Variants in CADPS2 observed in about 807,000 individuals in gnomAD.
CADPS2 encodes calcium dependent secretion activator 2.
A neutral mutation model predicts 172.5 loss-of-function variants in CADPS2; 93 were observed. The ratio of observed to expected loss-of-function variants is 0.54; its 90% CI spans 0.46 to 0.64. The LOEUF is 0.64. Ranked by LOEUF, CADPS2 falls within the 30% of genes least tolerant of loss-of-function variation. The pLI is 0.00. For synonymous variants in CADPS2, 546 were observed against 555.2 expected, an observed-to-expected ratio of 0.98 and a Z score of 0.23; for missense variants, 1,420 against 1,565.9, an observed-to-expected ratio of 0.91 and a Z score of 1.57.
chr7:122,783,253 C>T (rs1483184828), intron 1 of CADPS2, among the ~76,000 whole-genome samples: 1 of 151,422 alleles, frequency 6.6e-6, no homozygotes, highest in East Asian at 1.9e-4. Flanking sequence ...TTTTGTAACC[C>T]AGTCTGATAT....
At position 122,449,177 on chromosome 7, in the gene CADPS2, AT is replaced by A. The variant is rs528789666; in HGVS notation, c.2288+2196del. The stretch of plus-strand genomic sequence containing the variant: ...ATCATTGATATAATAATGGGGACTT[AT>A]TCAGTTACTAATATAGATATCTAAA... On this transcript the variant is annotated intron_variant, in intron 15 of 29. Transcript: ENST00000449022. 2.6e-5 allele frequency among the ~76,000 whole-genome samples: 4 copies of A among 152,180 alleles called. No homozygotes were observed. The South Asian group carries it at 8.3e-4, about 32-fold the overall frequency.
In CADPS2 at chr7:122,737,075, GA is replaced by G; in HGVS notation, c.340-8del. ...GCAACTGTTGTTTGTTAAGCTACAA[GA>G]AAAAGAGAAAATAAGCAGATAAATT... On this transcript the variant is annotated splice_region_variant and splice_polypyrimidine_tract_variant and intron_variant, in intron 1 of 29. Transcript: ENST00000449022. 3 of 1,479,972 alleles carry G rather than the reference GA, an allele frequency of 2.0e-6. No homozygotes were observed. The highest frequency in any genetic ancestry group is 2.8e-6 in the Non-Finnish European group (3 of 1,062,120). The allele number at this position is 1,479,972 out of a possible 1,614,324, so 91.7% of individuals were successfully genotyped here.
intron 27 of CADPS2, among the ~76,000 whole-genome samples, chr7:122,347,939 A>G (rs868698576): frequency 6.6e-6 from 1 of 152,328 alleles, no homozygotes; most frequent in Middle Eastern, 3.4e-3. Context: ...GTGACATGAG[A>G]ACAATTTTCA....
intron 8 of CADPS2, among the ~76,000 whole-genome samples, chr7:122,532,337 C>T (rs1262504080): frequency 6.6e-6 from 1 of 152,040 alleles, no homozygotes; most frequent in African/African-American, 2.4e-5. Flanking sequence ...AGGTAACTTT[C>T]CTAAGAAACA....
chr7:122,561,767 C>G (rs1397816887), intron 7 of CADPS2, among the ~76,000 whole-genome samples: 1 of 152,058 alleles, frequency 6.6e-6, no homozygotes, highest in Non-Finnish European at 1.5e-5. Context: ...GAACTGATCA[C>G]TACAGTCAAG....
At chr7:122,629,866 A>T (rs2076411677) in intron 3 of CADPS2, among the ~76,000 whole-genome samples, 1 of 152,230 alleles carries the variant, frequency 6.6e-6, no homozygotes, top group South Asian at 2.1e-4. Flanking sequence ...TCTTTTAAGG[A>T]TTGGCACCAT....
At chr7:122,806,293 G>C (rs1231676900) in intron 1 of CADPS2, among the ~76,000 whole-genome samples, 1 of 152,150 alleles carries the variant, frequency 6.6e-6, no homozygotes, top group Non-Finnish European at 1.5e-5. Flanking sequence ...GTTCTACAAT[G>C]AAATAAAAGT....
chr7:122,775,027 T>C (rs1056121944), intron 1 of CADPS2, among the ~76,000 whole-genome samples: 10 of 152,200 alleles, frequency 6.6e-5, no homozygotes, highest in Non-Finnish European at 1.2e-4. Flanking sequence ...TGTGTGTTTT[T>C]TTTAAAATAC....
At chr7:122,419,229 C>CA (rs2151791753) in intron 17 of CADPS2, among the ~76,000 whole-genome samples, 1 of 152,228 alleles carries the variant, frequency 6.6e-6, no homozygotes, top group East Asian at 1.9e-4. Context: ...TCAATACCCC[C>CA]AAATTTTTAA....
intron 1 of CADPS2, among the ~76,000 whole-genome samples, chr7:122,762,409 AC>A (rs1397961262): frequency 1.3e-5 from 2 of 152,144 alleles, no homozygotes; most frequent in African/African-American, 4.8e-5. Flanking sequence ...TGAGTTCCCA[AC>A]AAGGATGGAA....
intron 1 of CADPS2, among the ~76,000 whole-genome samples, chr7:122,881,209 G>A (rs1018826768): frequency 2.0e-5 from 3 of 152,216 alleles, no homozygotes; most frequent in East Asian, 1.9e-4. Context: ...CAAACAAAAC[G>A]AAACTGAAAA....
In CADPS2 at chr7:122,734,356, T is replaced by TAAAAAAAAAAAAAAAAAAAAAAAA. The variant is rs558421546; in HGVS notation, c.453+2575_453+2598dup. On this transcript the variant is annotated intron_variant, in intron 2 of 29. Coordinates refer to ENST00000449022, the MANE Select transcript of CADPS2 (RefSeq NM_017954.11). Reference sequence around the variant, plus strand: ...AATAACGATAGCATGCCAGAAATAGTAAAAAAAAAAAAAAAAAAAAAAAAA... The same window carrying TAAAAAAAAAAAAAAAAAAAAAAAA: ...AATAACGATAGCATGCCAGAAATAGTAAAAAAAAAAAAAAAAAAAAAAAAAAAAAAAAAAAAAAAAAAAAAAAAA... Among the ~76,000 whole-genome samples, 49 of 46,278 alleles carry TAAAAAAAAAAAAAAAAAAAAAAAA rather than the reference T, an allele frequency of 1.1e-3. 9 individuals are homozygous for TAAAAAAAAAAAAAAAAAAAAAAAA. Among genetic ancestry groups the TAAAAAAAAAAAAAAAAAAAAAAAA allele is most frequent in the East Asian group, 0.01 (10 of 970 alleles). 30.4% of individuals were successfully genotyped at this position (46,278 alleles called of 152,430 possible).
At chr7:122,334,898 G>T (rs1329640771) in intron 28 of CADPS2, among the ~76,000 whole-genome samples, 2 of 152,136 alleles carry the variant, frequency 1.3e-5, no homozygotes, top group African/African-American at 4.8e-5. Context: ...CAAGGACTTG[G>T]TCTATCTTGT....
chr7:122,376,113 G>A (rs1777909181), intron 25 of CADPS2, among the ~76,000 whole-genome samples: 1 of 152,102 alleles, frequency 6.6e-6, no homozygotes, highest in Admixed American at 6.6e-5. Context: ...TGAAGAAAAT[G>A]CCCACTGTTG....
chr7:122,720,969 T>C (rs1169507157), intron 2 of CADPS2, among the ~76,000 whole-genome samples: 1 of 152,118 alleles, frequency 6.6e-6, no homozygotes, highest in Admixed American at 6.6e-5. Context: ...GTGTTAATTA[T>C]GTTAACATAC....
chr7:122,481,103 C>T (rs1416820017), intron 11 of CADPS2, among the ~76,000 whole-genome samples: 1 of 150,980 alleles, frequency 6.6e-6, no homozygotes, highest in Non-Finnish European at 1.5e-5. Flanking sequence ...TGGCATTTCT[C>T]TGATAGTTCA....
chr7:122,813,855 C>T (rs539580345), intron 1 of CADPS2, among the ~76,000 whole-genome samples: 46 of 151,966 alleles, frequency 3.0e-4, no homozygotes, highest in African/African-American at 8.2e-4. Flanking sequence ...AATATCTTCC[C>T]TTAAATTAAT....
chr7:122,517,740 TTCTC>T (rs1563571797), intron 8 of CADPS2, among the ~76,000 whole-genome samples: 1 of 152,040 alleles, frequency 6.6e-6, no homozygotes, highest in African/African-American at 2.4e-5. Context: ...TCCAAGGTCA[TTCTC>T]AAGTTTTGGA....
chr7:122,534,919 G>A (rs1459435953), intron 8 of CADPS2, among the ~76,000 whole-genome samples: 1 of 152,038 alleles, frequency 6.6e-6, no homozygotes, highest in African/African-American at 2.4e-5. Flanking sequence ...GTAATGGGGA[G>A]GGATGTTTCT....
Sources: allele counts gnomAD v4.1 joint callset (sites outside exome capture counted in the v4.1 genomes callset), GRCh38; gene constraint gnomAD v4.1.1; transcripts MANE v1.5; gene names NCBI Gene and HGNC (gene_info 2026-07-23, HGNC 2026-07-21).